Variants in VWA8 observed in about 807,000 individuals in gnomAD.
VWA8 encodes the protein von Willebrand factor A domain-containing protein 8.
VWA8 carries 221 observed loss-of-function variants against 241.5 expected under a neutral mutation model. The ratio of observed to expected loss-of-function variants is 0.91; its 90% confidence interval spans 0.82 to 1.02. The LOEUF (loss-of-function observed/expected upper bound fraction) is 1.02, where lower values mean the gene tolerates loss of function less well. Among genes scored for constraint, VWA8 ranks in the 50% least tolerant of loss-of-function variants. The pLI, the probability that VWA8 is intolerant of heterozygous loss-of-function variation, is 0.00. For synonymous variants in VWA8, 852 were observed against 827.1 expected, an observed-to-expected ratio of 1.03 and a Z score of -0.52; for missense variants, 2,322 against 2,328.7, an observed-to-expected ratio of 1.00 and a Z score of 0.06.
chr13:41,759,146 T>TA (rs1158603053), intron 21 of VWA8, among the ~76,000 whole-genome samples: 10 of 151,640 alleles, frequency 6.6e-5, no homozygotes, highest in South Asian at 2.1e-4. Context: ...GGTCTGCTGA[T>TA]AAAAAAACTC....
chr13:41,939,404 C>T (rs1877495798), intron 2 of VWA8, among the ~76,000 whole-genome samples: 1 of 152,096 alleles, frequency 6.6e-6, no homozygotes, highest in Non-Finnish European at 1.5e-5. Context: ...TCAACACTTA[C>T]AGGTGAGAGA....
chr13:41,857,502 A>ATTACC (rs1261925601), intron 12 of VWA8, among the ~76,000 whole-genome samples: 1 of 152,206 alleles, frequency 6.6e-6, no homozygotes, highest in Non-Finnish European at 1.5e-5. Flanking sequence ...CCACCTGCTT[A>ATTACC]TTAGTACCCT....
chr13:41,922,091 G>C (rs1435974014), intron 2 of VWA8, among the ~76,000 whole-genome samples: 1 of 152,158 alleles, frequency 6.6e-6, no homozygotes, highest in African/African-American at 2.4e-5. Flanking sequence ...CAGAGATATA[G>C]ATCAATGGAA....
intron 39 of VWA8, among the ~76,000 whole-genome samples, chr13:41,609,303 T>C (rs752647139): frequency 1.3e-5 from 2 of 152,236 alleles, no homozygotes; most frequent in Non-Finnish European, 2.9e-5. Flanking sequence ...TATGCCTAAG[T>C]GGCAAAACCG....
chr13:41,931,395 T>C (rs1877114740), intron 2 of VWA8, among the ~76,000 whole-genome samples: 1 of 148,334 alleles, frequency 6.7e-6, no homozygotes, highest in Non-Finnish European at 1.5e-5. Context: ...AAAAAAACAT[T>C]GGTTACCAGG....
At chr13:41,734,545 G>A (rs1426247449) in intron 21 of VWA8, among the ~76,000 whole-genome samples, 1 of 152,156 alleles carries the variant, frequency 6.6e-6, no homozygotes, top group Non-Finnish European at 1.5e-5. Flanking sequence ...GAACAGGTAC[G>A]CTGGCAATAC....
intron 42 of VWA8, among the ~76,000 whole-genome samples, chr13:41,580,922 T>C (rs1157134579): frequency 2.0e-5 from 3 of 152,242 alleles, no homozygotes; most frequent in African/African-American, 4.8e-5. Flanking sequence ...CCTGCTTCTC[T>C]TAGTTTTAGG....
At chr13:41,598,407 CT>C (rs1204614617) in intron 40 of VWA8, among the ~76,000 whole-genome samples, 2 of 151,774 alleles carry the variant, frequency 1.3e-5, no homozygotes, top group Non-Finnish European at 2.9e-5. Context: ...AAGAATGATT[CT>C]TGATATTTGA....
At chr13:41,803,806 A>G (rs1490549533) in intron 17 of VWA8, among the ~76,000 whole-genome samples, 3 of 152,248 alleles carry the variant, frequency 2.0e-5, no homozygotes, top group Non-Finnish European at 4.4e-5. Flanking sequence ...GAAGGAATTC[A>G]GAATTCTATC....
chr13:41,618,807 G>A (rs972777512), intron 37 of VWA8, among the ~76,000 whole-genome samples: 5 of 152,032 alleles, frequency 3.3e-5, no homozygotes, highest in African/African-American at 1.2e-4. Context: ...TATTTCTGAG[G>A]CCTCTGTTCT....
intron 40 of VWA8, among the ~76,000 whole-genome samples, chr13:41,593,521 G>C (rs898586954): frequency 2.0e-5 from 3 of 152,138 alleles, no homozygotes; most frequent in African/African-American, 7.2e-5. Context: ...AGACAACCTT[G>C]ACCACACAGC....
intron 43 of VWA8, among the ~76,000 whole-genome samples, chr13:41,573,017 G>C (rs2044319668): frequency 6.7e-6 from 1 of 150,340 alleles, no homozygotes; most frequent in Non-Finnish European, 1.5e-5. Flanking sequence ...GCTGGGACAG[G>C]AGAGTCGCTT....
At chr13:41,832,153 TC>T (rs1449449651) in intron 13 of VWA8, among the ~76,000 whole-genome samples, 1 of 151,876 alleles carries the variant, frequency 6.6e-6, no homozygotes, top group Non-Finnish European at 1.5e-5. Context: ...ATGATCTCAA[TC>T]TCTTGACCTC....
At chr13:41,778,404 G>A (rs1868715715) in intron 19 of VWA8, among the ~76,000 whole-genome samples, 1 of 151,952 alleles carries the variant, frequency 6.6e-6, no homozygotes, top group African/African-American at 2.4e-5. Flanking sequence ...ATATACAAAG[G>A]CTTCCTAAAA....
chr13:41,708,516 C>T (rs911814522), intron 26 of VWA8, among the ~76,000 whole-genome samples: 3 of 152,138 alleles, frequency 2.0e-5, no homozygotes, highest in South Asian at 4.1e-4. Flanking sequence ...TTCAGAATGT[C>T]GCTTCCCTAC....
chr13:41,841,527 C>CT (rs1297659823), intron 12 of VWA8, among the ~76,000 whole-genome samples: 4 of 151,742 alleles, frequency 2.6e-5, no homozygotes, highest in African/African-American at 9.7e-5. Flanking sequence ...TGGCTCACGC[C>CT]TGTAATCCCA....
At chr13:41,723,604 G>A (rs930928278) in intron 24 of VWA8, among the ~76,000 whole-genome samples, 3 of 152,094 alleles carry the variant, frequency 2.0e-5, no homozygotes, top group Admixed American at 1.3e-4. Context: ...AATATATTTC[G>A]AGGGTATAGC....
chr13:41,590,794 G>C, intron 40 of VWA8, 29 bp from the exon 41 acceptor site: 2 of 1,609,680 alleles, frequency 1.2e-6, no homozygotes, highest in Non-Finnish European at 8.5e-7. Flanking sequence ...CACACACAAA[G>C]CCTTAATTAG....
chr13:41,667,724 T>C (rs559222259), intron 37 of VWA8, among the ~76,000 whole-genome samples: 17 of 152,246 alleles, frequency 1.1e-4, no homozygotes, highest in African/African-American at 4.1e-4. Flanking sequence ...TGTAACTAAG[T>C]ATGAATAATA....
Sources: gnomAD v4.1 joint callset for allele counts (sites outside exome capture counted in the v4.1 genomes callset) on GRCh38, gnomAD v4.1.1 for gene constraint, MANE v1.5 for transcripts, NCBI Gene and HGNC (gene_info 2026-07-23, HGNC 2026-07-21) for gene names.